Variants in DYM observed in about 807,000 individuals in gnomAD.
The protein encoded by DYM is dymeclin.
DYM carries 78 observed loss-of-function variants against 93.1 expected under a neutral mutation model. The observed-to-expected ratio is 0.84, with a 90% CI of 0.70 to 1.01. The LOEUF is 1.01. Ranked by LOEUF, DYM falls within the 50% of genes least tolerant of loss-of-function variation. The pLI is 0.00. For missense variants in DYM, 789 were observed against 845.0 expected (o/e 0.93, Z 0.82); for synonymous variants, 321 against 319.7 (o/e 1.00, Z -0.04).
intron 1 of DYM, among the ~76,000 whole-genome samples, chr18:49,455,806 G>A (rs1381732692): frequency 9.9e-5 from 15 of 151,994 alleles, no homozygotes; most frequent in Admixed American, 9.2e-4. Flanking sequence ...AAAATTAGCC[G>A]GGCATGGTGG....
chr18:49,438,959 T>C (rs1306565414), intron 1 of DYM, among the ~76,000 whole-genome samples: 1 of 152,206 alleles, frequency 6.6e-6, no homozygotes. Context: ...GAAAACACTA[T>C]TGGATAATCT....
At chr18:49,352,361 A>G (rs138625329) in intron 6 of DYM, among the ~76,000 whole-genome samples, 6 of 152,376 alleles carry the variant, frequency 3.9e-5, no homozygotes, top group African/African-American at 1.4e-4. Flanking sequence ...ATTTTGTAGC[A>G]TATGAATGCT....
At chr18:49,359,658 C>G (rs1481889221) in intron 6 of DYM, 2 of 152,302 alleles carry the variant, frequency 1.3e-5, no homozygotes, top group Non-Finnish European at 1.5e-5. Flanking sequence ...TCAATATTAA[C>G]AGAATGATTT....
Position 49,391,592 on chromosome 18 carries a change from C to A in DYM, c.193+1G>T. On this transcript the variant is annotated splice_donor_variant, in intron 3 of 17. Transcript: ENST00000675505. LOFTEE classifies it high-confidence loss of function. ...ACCCCACACACATTTTTCCCACTTA[C>A]CTAATGACCTGCAGACTGAAATGGT... 6.2e-7 allele frequency: 1 copy of A among 1,613,404 alleles called. No individual in the cohort carries two copies. The highest frequency in any genetic ancestry group is 8.5e-7 in the Non-Finnish European group (1 of 1,179,508).
intron 11 of DYM, among the ~76,000 whole-genome samples, chr18:49,268,805 A>C (rs1291585138): frequency 1.3e-5 from 2 of 150,594 alleles, no homozygotes; most frequent in Non-Finnish European, 3.0e-5. Context: ...ATTTGTTTTT[A>C]ATTCCTTATT....
intron 1 of DYM, among the ~76,000 whole-genome samples, chr18:49,449,659 C>T (rs1333987427): frequency 6.6e-6 from 1 of 152,110 alleles, no homozygotes; most frequent in Non-Finnish European, 1.5e-5. Context: ...CTTATCTCTT[C>T]CTGTGCAAAC....
At chr18:49,139,824 T>G (rs574506334) in intron 15 of DYM, among the ~76,000 whole-genome samples, 54 of 152,280 alleles carry the variant, frequency 3.5e-4, no homozygotes, top group African/African-American at 1.2e-3. Flanking sequence ...ACTGACAAAT[T>G]TGTTTTTTAA....
At position 49,107,083 on chromosome 18, in the gene DYM, T is replaced by C. The variant is rs559994772; in HGVS notation, c.1912-9568A>G. Reference sequence around the variant, plus strand: ...TCGGTCTTTTCACATAGTCCCATATTTCTTGGAGGCTTTGTTCATTTCTTT... The same window carrying C: ...TCGGTCTTTTCACATAGTCCCATATCTCTTGGAGGCTTTGTTCATTTCTTT... On this transcript the variant is annotated intron_variant, in intron 16 of 17. Coordinates refer to ENST00000675505, the MANE Select transcript of DYM (RefSeq NM_001353214.3). Among the ~76,000 whole-genome samples, 39 of 152,346 alleles carry C rather than the reference T, an allele frequency of 2.6e-4. 1 individual carries two copies. The highest frequency in any genetic ancestry group is 5.8e-4 in the East Asian group (3 of 5,186).
intron 14 of DYM, among the ~76,000 whole-genome samples, chr18:49,173,580 G>C (rs956823137): frequency 6.6e-6 from 1 of 151,958 alleles, no homozygotes; most frequent in African/African-American, 2.4e-5. Flanking sequence ...TTCAATTACT[G>C]ATTGTTCATA....
intron 8 of DYM, among the ~76,000 whole-genome samples, chr18:49,297,384 A>T (rs918558494): frequency 2.7e-4 from 41 of 152,226 alleles, no homozygotes; most frequent in African/African-American, 9.9e-4. Context: ...CTAGCGTATT[A>T]GAAGTTGGGA....
chr18:49,427,432 G>A (rs1035416943), intron 2 of DYM, among the ~76,000 whole-genome samples: 3 of 152,028 alleles, frequency 2.0e-5, no homozygotes, highest in Non-Finnish European at 4.4e-5. Flanking sequence ...CAAGTGCAAC[G>A]TATGCACCTT....
intron 11 of DYM, among the ~76,000 whole-genome samples, chr18:49,265,692 C>T (rs932020980): frequency 6.7e-6 from 1 of 148,938 alleles, no homozygotes; most frequent in African/African-American, 2.5e-5. Context: ...GCAGGAGAAT[C>T]GCTTGAACTT....
intron 6 of DYM, among the ~76,000 whole-genome samples, chr18:49,349,136 A>G (rs1404467778): frequency 6.6e-6 from 1 of 152,140 alleles, no homozygotes; most frequent in Non-Finnish European, 1.5e-5. Flanking sequence ...TGAACCTGGG[A>G]GGCGGAGGTT....
intron 14 of DYM, among the ~76,000 whole-genome samples, chr18:49,165,470 A>G (rs2087747187): frequency 6.6e-6 from 1 of 152,140 alleles, no homozygotes; most frequent in Admixed American, 6.5e-5. Context: ...TACAAATAAA[A>G]TATTTAAATA....
intron 8 of DYM, among the ~76,000 whole-genome samples, chr18:49,287,685 A>G (rs950714654): frequency 5.3e-5 from 8 of 152,044 alleles, no homozygotes; most frequent in Non-Finnish European, 1.0e-4. Flanking sequence ...TCTACTAAAA[A>G]TACAAAAAAA....
At chr18:49,260,357 G>A (rs1390475088) in intron 11 of DYM, among the ~76,000 whole-genome samples, 1 of 152,226 alleles carries the variant, frequency 6.6e-6, no homozygotes, top group Non-Finnish European at 1.5e-5. Flanking sequence ...ACTCCAGCCT[G>A]GGCGTAGCAG....
intron 2 of DYM, among the ~76,000 whole-genome samples, chr18:49,422,229 G>C (rs1278044990): frequency 6.6e-6 from 1 of 152,174 alleles, no homozygotes; most frequent in African/African-American, 2.4e-5. Context: ...TGAAATGAAG[G>C]AAAAAATGTT....
At chr18:49,245,953 A>G (rs1391984791) in intron 13 of DYM, among the ~76,000 whole-genome samples, 1 of 152,218 alleles carries the variant, frequency 6.6e-6, no homozygotes, top group East Asian at 1.9e-4. Flanking sequence ...ACATTGAAAT[A>G]TTGGGGGCTG....
chr18:49,107,322 G>A (rs1220052879), intron 16 of DYM, among the ~76,000 whole-genome samples: 3 of 151,970 alleles, frequency 2.0e-5, no homozygotes, highest in Admixed American at 6.6e-5. Context: ...TTTTTTTCAC[G>A]ATTTTTAACT....
Sources: allele counts gnomAD v4.1 joint callset (sites outside exome capture counted in the v4.1 genomes callset), GRCh38; gene constraint gnomAD v4.1.1; transcripts MANE v1.5; gene names NCBI Gene and HGNC (gene_info 2026-07-23, HGNC 2026-07-21).